The following SPIDR variants were observed in gnomAD, a reference collection of about 807,000 sequenced individuals.
SPIDR encodes scaffold protein involved in DNA repair.
Under a neutral mutation model 104.6 loss-of-function variants are expected in SPIDR, and 93 were observed. That is an observed-to-expected ratio of 0.89 (90% CI 0.75 to 1.06). The LOEUF is 1.06. Ranked by LOEUF, SPIDR falls within the 50% of genes least tolerant of loss-of-function variation. The pLI, the probability that SPIDR is intolerant of heterozygous loss-of-function variation, is 0.00. For missense variants in SPIDR, 1,154 were observed against 1,111.2 expected (o/e 1.04, Z -0.55); for synonymous variants, 431 against 416.9 (o/e 1.03, Z -0.41).
intron 8 of SPIDR, among the ~76,000 whole-genome samples, chr8:47,496,337 G>A (rs768060559): frequency 2.4e-4 from 37 of 152,148 alleles, no homozygotes; most frequent in Non-Finnish European, 4.1e-4. Context: ...TAGGGCTTTT[G>A]TGGATGCTGT....
chr8:47,565,992 ATTTTTTTTTTTTTTT>A lies in SPIDR; in HGVS notation c.1098-29803_1098-29789del, dbSNP rs768002878. ...TACTCATATATATATATATATATAT[ATTTTTTTTTTTTTTT>A]TTTTTTTTTTTTTTTGAGATGGAGT... is the stretch of plus-strand genomic sequence containing the variant. On this transcript the variant is annotated intron_variant, in intron 8 of 19. Transcript: ENST00000297423. Among the ~76,000 whole-genome samples the A allele has an allele frequency of 6.6e-3, 98 of 14,948 alleles. 2 individuals carry two copies. Among genetic ancestry groups the A allele is most frequent in the Middle Eastern group, 0.05 (1 of 20 alleles). The allele number at this position is 14,948 out of a possible 152,430, so 9.8% of individuals were successfully genotyped here. A position where few individuals can be genotyped will look rare whatever the true frequency, so the allele number is the denominator to read the frequency against.
chr8:47,390,310 G>A (rs1554650992), intron 5 of SPIDR, among the ~76,000 whole-genome samples: 1 of 151,982 alleles, frequency 6.6e-6, no homozygotes, highest in Non-Finnish European at 1.5e-5. Context: ...AACAAGTATA[G>A]TACACACATG....
chr8:47,503,274 G>T (rs187134434), intron 8 of SPIDR, among the ~76,000 whole-genome samples: 18 of 152,274 alleles, frequency 1.2e-4, no homozygotes, highest in African/African-American at 4.3e-4. Flanking sequence ...GGGAGTCTAA[G>T]TCTCTCTGTA....
intron 8 of SPIDR, among the ~76,000 whole-genome samples, chr8:47,487,595 A>G (rs919399217): frequency 6.6e-6 from 1 of 152,224 alleles, no homozygotes; most frequent in Non-Finnish European, 1.5e-5. Context: ...AATTGACCAC[A>G]TAGTTGGAAG....
intron 8 of SPIDR, among the ~76,000 whole-genome samples, chr8:47,531,189 A>G (rs1260524780): frequency 6.6e-6 from 1 of 152,118 alleles, no homozygotes; most frequent in African/African-American, 2.4e-5. Context: ...ACTGTACCCA[A>G]CCTTTTTTAA....
At chr8:47,620,870 G>A (rs980665346) in intron 10 of SPIDR, among the ~76,000 whole-genome samples, 30 of 147,662 alleles carry the variant, frequency 2.0e-4, no homozygotes, top group African/African-American at 7.5e-4. Context: ...CACCCACCTC[G>A]GCCTCCCAAA....
intron 8 of SPIDR, among the ~76,000 whole-genome samples, chr8:47,485,572 C>T (rs2077472152): frequency 6.6e-6 from 1 of 152,324 alleles, no homozygotes; most frequent in African/African-American, 2.4e-5. Flanking sequence ...GGTCCTTGAC[C>T]CCCGAGTAGC....
intron 14 of SPIDR, among the ~76,000 whole-genome samples, chr8:47,707,134 G>A (rs1465015475): frequency 6.6e-6 from 1 of 151,156 alleles, no homozygotes; most frequent in Admixed American, 6.6e-5. Context: ...CACGCCTGTA[G>A]TCCCAGCTAC....
chr8:47,523,760 C>T (rs574281854), intron 8 of SPIDR, among the ~76,000 whole-genome samples: 2 of 152,266 alleles, frequency 1.3e-5, no homozygotes, highest in African/African-American at 2.4e-5. Context: ...ATGATCAGGC[C>T]GCAGCCTTCT....
In SPIDR at chr8:47,701,888, T is replaced by A. The variant is rs751276321; in HGVS notation, c.1917+24T>A. The A allele has an allele frequency of 1.9e-5, 30 of 1,613,938 alleles. No individual in the cohort carries two copies. The South Asian group carries it at 3.3e-4, about 18-fold the overall frequency. On this transcript the variant is annotated intron_variant, in intron 13 of 19. Coordinates refer to ENST00000297423, the MANE Select transcript of SPIDR (RefSeq NM_001080394.4). Reference sequence around the variant, plus strand: ...AGGTAATGTCTTTGTTTCTAACAGGTTTTTTAGGTATTGGCCACGTCTGTG... The same window carrying A: ...AGGTAATGTCTTTGTTTCTAACAGGATTTTTAGGTATTGGCCACGTCTGTG...
In SPIDR at chr8:47,335,598, G is replaced by A. The variant is rs2049544042; in HGVS notation, c.525+41568G>A. ...CCCGAGTAGCTAGGATTACAGGTGT[G>A]CACCACCATATCTGGCTAATTTTTA... On this transcript the variant is annotated intron_variant, in intron 5 of 19. Transcript: ENST00000297423. 2.0e-5 allele frequency among the ~76,000 whole-genome samples: 3 copies of A among 152,072 alleles called. No individual in the cohort carries two copies. In the South Asian group the frequency reaches 6.2e-4, roughly 32 times the overall value.
chr8:47,353,984 T>G (rs1318984358), intron 5 of SPIDR, among the ~76,000 whole-genome samples: 3 of 152,202 alleles, frequency 2.0e-5, no homozygotes, highest in African/African-American at 4.8e-5. Flanking sequence ...CTTTTAAGGC[T>G]TCATATACAG....
intron 5 of SPIDR, among the ~76,000 whole-genome samples, chr8:47,371,217 T>C (rs909181379): frequency 2.0e-5 from 3 of 151,868 alleles, no homozygotes; most frequent in Non-Finnish European, 4.4e-5. Context: ...TTACTGACAC[T>C]TCTGTCTTTC....
intron 5 of SPIDR, among the ~76,000 whole-genome samples, chr8:47,348,019 T>G (rs199667237): frequency 2.0e-5 from 3 of 152,130 alleles, no homozygotes; most frequent in Admixed American, 6.6e-5. Context: ...TTGCTCGTTA[T>G]TTGATGCAGT....
At position 47,544,814 on chromosome 8, in the gene SPIDR, A is replaced by T. The variant is rs552874461; in HGVS notation, c.1098-50997A>T. On this transcript the variant is annotated intron_variant, in intron 8 of 19. Coordinates refer to ENST00000297423, the MANE Select transcript of SPIDR (RefSeq NM_001080394.4). ...GCTGTTCTAGTTCCTTTGCTTTGTC[A>T]TATAAATTTTAGAGTAATTTTATCT... 1.1e-3 allele frequency among the ~76,000 whole-genome samples: 172 copies of T among 152,332 alleles called. 4 individuals carry two copies. In the South Asian group the frequency reaches 0.033, roughly 29 times the overall value.
chr8:47,625,775 G>A (rs1203706390), intron 10 of SPIDR, among the ~76,000 whole-genome samples: 8 of 151,922 alleles, frequency 5.3e-5, no homozygotes, highest in Non-Finnish European at 8.8e-5. Context: ...ATGCTCATGG[G>A]TAGGAAGAAT....
chr8:47,408,164 GA>G (rs2063009987), intron 7 of SPIDR, among the ~76,000 whole-genome samples: 1 of 151,970 alleles, frequency 6.6e-6, no homozygotes, highest in Non-Finnish European at 1.5e-5. Flanking sequence ...ATACTCTTAT[GA>G]AAACATCACC....
At chr8:47,531,497 A>C (rs570478682) in intron 8 of SPIDR, among the ~76,000 whole-genome samples, 1 of 152,246 alleles carries the variant, frequency 6.6e-6, no homozygotes, top group Non-Finnish European at 1.5e-5. Flanking sequence ...GCTTATAAGC[A>C]GAGAATACAC....
At chr8:47,443,446 C>T (rs1212037479) in intron 8 of SPIDR, among the ~76,000 whole-genome samples, 2 of 151,594 alleles carry the variant, frequency 1.3e-5, no homozygotes, top group South Asian at 2.1e-4. Flanking sequence ...TGGTGCGTGC[C>T]TGTGGTCCCA....
Sources: allele counts gnomAD v4.1 joint callset (sites outside exome capture counted in the v4.1 genomes callset), GRCh38; gene constraint gnomAD v4.1.1; transcripts MANE v1.5; gene names NCBI Gene and HGNC (gene_info 2026-07-23, HGNC 2026-07-21).